The following GPC5 variants were observed in gnomAD, a reference collection of about 807,000 sequenced individuals.
GPC5 encodes glypican 5.
GPC5 carries 47 observed loss-of-function variants against 53.9 expected under a neutral mutation model. That is an observed-to-expected ratio of 0.87 (90% CI 0.69 to 1.11). GPC5 has a LOEUF of 1.11. Among genes scored for constraint, GPC5 ranks in the 50% most tolerant of loss-of-function variants. The pLI is 0.00. For missense variants in GPC5, 748 were observed against 713.1 expected (o/e 1.05, Z -0.56); for synonymous variants, 286 against 263.3 (o/e 1.09, Z -0.84).
intron 2 of GPC5, among the ~76,000 whole-genome samples, chr13:91,561,921 C>T (rs1425249504): frequency 6.6e-6 from 1 of 152,126 alleles, no homozygotes; most frequent in Non-Finnish European, 1.5e-5. Flanking sequence ...CAAGTTATCA[C>T]TAGAAATGTG....
At chr13:91,845,332 G>T (rs945531706) in intron 5 of GPC5, among the ~76,000 whole-genome samples, 1 of 151,510 alleles carries the variant, frequency 6.6e-6, no homozygotes, top group African/African-American at 2.4e-5. Flanking sequence ...TCTTTTTTCA[G>T]CTTTATTAAA....
chr13:92,044,908 T>A (rs775819552), intron 6 of GPC5, among the ~76,000 whole-genome samples: 2 of 152,128 alleles, frequency 1.3e-5, no homozygotes, highest in Non-Finnish European at 2.9e-5. Flanking sequence ...TGAAAATAAT[T>A]TTATCATGAT....
intron 7 of GPC5, among the ~76,000 whole-genome samples, chr13:92,791,708 A>G (rs1876469940): frequency 6.6e-6 from 1 of 152,132 alleles, no homozygotes; most frequent in Admixed American, 6.6e-5. Flanking sequence ...TATGTATATA[A>G]GCACATTGTA....
chr13:91,574,400 T>C (rs1214121280), intron 2 of GPC5, among the ~76,000 whole-genome samples: 1 of 152,086 alleles, frequency 6.6e-6, no homozygotes, highest in Non-Finnish European at 1.5e-5. Flanking sequence ...TTCAAGCAAG[T>C]ACAAGTATCA....
chr13:92,306,959 G>A (rs981356925), intron 7 of GPC5, among the ~76,000 whole-genome samples: 9 of 152,222 alleles, frequency 5.9e-5, no homozygotes, highest in Admixed American at 3.3e-4. Context: ...TTTCATTAGC[G>A]TCTTTAATTA....
intron 7 of GPC5, among the ~76,000 whole-genome samples, chr13:92,557,178 T>G (rs999449845): frequency 6.6e-6 from 1 of 151,924 alleles, no homozygotes; most frequent in African/African-American, 2.4e-5. Flanking sequence ...GAGTCTGTCT[T>G]TTTTGTCATG....
rs113003542 is a variant in GPC5, at chr13:91,798,344, CT to C, written c.1280+41925del. On this transcript the variant is annotated intron_variant, in intron 5 of 7. Coordinates refer to ENST00000377067, the MANE Select transcript of GPC5 (RefSeq NM_004466.6). ...ATTCTTCTTGATGCTGTCCCTTCCC[CT>C]GCCTCTCCCCGACAGCCCCCAATGT... 9.7e-3 allele frequency among the ~76,000 whole-genome samples: 1,484 copies of C among 152,270 alleles called. 20 individuals carry two copies. Among genetic ancestry groups the C allele is most frequent in the African/African-American group, 0.034 (1,423 of 41,544 alleles).
At chr13:91,557,139 A>AT (rs1458403251) in intron 2 of GPC5, among the ~76,000 whole-genome samples, 1 of 152,088 alleles carries the variant, frequency 6.6e-6, no homozygotes, top group African/African-American at 2.4e-5. Flanking sequence ...ATTATTTTCC[A>AT]TAGTGGCTGC....
chr13:91,795,698 A>G (rs1202268066), intron 5 of GPC5, among the ~76,000 whole-genome samples: 5 of 152,064 alleles, frequency 3.3e-5, no homozygotes, highest in African/African-American at 1.2e-4. Flanking sequence ...TACTTGGTGA[A>G]TGAGGTGCTA....
chr13:92,838,873 A>C (rs999953450), intron 7 of GPC5, among the ~76,000 whole-genome samples: 1 of 152,238 alleles, frequency 6.6e-6, no homozygotes, highest in South Asian at 2.1e-4. Flanking sequence ...AAGTCAAAAA[A>C]TAACTCTACA....
In GPC5 at chr13:92,761,128, C is replaced by CTA. The variant is rs3032862; in HGVS notation, c.1562-105146_1562-105145dup. On this transcript the variant is annotated intron_variant, in intron 7 of 7. Transcript: ENST00000377067. ...AGAATGTGTATCTTGCTGGAAAGTTCTATATATATGTGTTAAGCCTATTTC... is the reference window on the plus strand; with the variant it reads ...AGAATGTGTATCTTGCTGGAAAGTTCTATATATATATGTGTTAAGCCTATTTC... 3.2e-3 allele frequency among the ~76,000 whole-genome samples: 486 copies of CTA among 152,202 alleles called. 5 individuals carry two copies. Among genetic ancestry groups the CTA allele is most frequent in the Admixed American group, 0.026 (392 of 15,272 alleles).
At position 92,613,447 on chromosome 13, in the gene GPC5, T is replaced by TA. The variant is rs1555295363; in HGVS notation, c.1562-252834dup. On this transcript the variant is annotated intron_variant, in intron 7 of 7. Coordinates refer to ENST00000377067, the MANE Select transcript of GPC5 (RefSeq NM_004466.6). The stretch of plus-strand genomic sequence containing the variant: ...ATATATATTTATATATAAATATATA[T>TA]ATTTATATATAAATATGTATTATAT... Among the ~76,000 whole-genome samples, 137 of 85,292 alleles carry TA rather than the reference T, an allele frequency of 1.6e-3. 2 individuals are homozygous for TA. The highest frequency in any genetic ancestry group is 4.5e-3 in the South Asian group (11 of 2,438). 56.0% of individuals were successfully genotyped at this position (85,292 alleles called of 152,430 possible). A position where few individuals can be genotyped will look rare whatever the true frequency, so the allele number is the denominator to read the frequency against.
rs67507888 is a variant in GPC5, at chr13:91,650,750, G to GT, written c.326-42415dup. Among the ~76,000 whole-genome samples the GT allele has an allele frequency of 2.8e-3, 275 of 99,584 alleles. 10 individuals are homozygous for GT. The highest frequency in any genetic ancestry group is 0.018 in the Middle Eastern group (3 of 166). The allele number at this position is 99,584 out of a possible 152,430, so 65.3% of individuals were successfully genotyped here. ...CATCTGTGAAACAAAATTCCCATAA[G>GT]TTTTTTTTTTTTTTTTTTTTTTAGC... On this transcript the variant is annotated intron_variant, in intron 2 of 7. Transcript: ENST00000377067.
chr13:92,525,322 GAA>G (rs2053287783), intron 7 of GPC5, among the ~76,000 whole-genome samples: 1 of 152,008 alleles, frequency 6.6e-6, no homozygotes, highest in Admixed American at 6.6e-5. Flanking sequence ...TGGATTCAGA[GAA>G]GAAAAATATC....
intron 6 of GPC5, among the ~76,000 whole-genome samples, chr13:91,974,903 C>T (rs9589387): frequency 0.038 from 5,854 of 152,162 alleles, 152 homozygotes; most frequent in Middle Eastern, 0.065. Context: ...AACAGCATGG[C>T]ACTGGTACCA....
At chr13:92,806,649 G>A (rs892702068) in intron 7 of GPC5, among the ~76,000 whole-genome samples, 5 of 152,012 alleles carry the variant, frequency 3.3e-5, no homozygotes, top group African/African-American at 1.2e-4. Flanking sequence ...CAGTATTGTT[G>A]TGTCTCAGAA....
intron 7 of GPC5, among the ~76,000 whole-genome samples, chr13:92,396,888 C>G: frequency 6.6e-6 from 1 of 152,286 alleles, no homozygotes; most frequent in African/African-American, 2.4e-5. Flanking sequence ...CAATGTCTTT[C>G]TCCAGCTGAG....
chr13:92,798,469 G>A (rs1342974070), intron 7 of GPC5, among the ~76,000 whole-genome samples: 1 of 151,702 alleles, frequency 6.6e-6, no homozygotes, highest in Non-Finnish European at 1.5e-5. Context: ...TCTTCATATT[G>A]AGGATTTTTA....
chr13:91,664,245 C>T lies in GPC5; in HGVS notation c.326-28942C>T, dbSNP rs144019359. On this transcript the variant is annotated intron_variant, in intron 2 of 7. Coordinates refer to ENST00000377067, the MANE Select transcript of GPC5 (RefSeq NM_004466.6). ...TAGCACACTTCAGGCAGGTTAATTACGCTAGGAGGGATCAGATGTTCCTGA... is the reference window on the plus strand; with the variant it reads ...TAGCACACTTCAGGCAGGTTAATTATGCTAGGAGGGATCAGATGTTCCTGA... Among the ~76,000 whole-genome samples, 26 of 152,326 alleles carry T rather than the reference C, an allele frequency of 1.7e-4. No homozygotes were observed. The East Asian group carries it at 3.9e-3, about 23-fold the overall frequency.
Sources: gnomAD v4.1 joint callset for allele counts (sites outside exome capture counted in the v4.1 genomes callset) on GRCh38, gnomAD v4.1.1 for gene constraint, MANE v1.5 for transcripts, NCBI Gene and HGNC (gene_info 2026-07-23, HGNC 2026-07-21) for gene names.